Variants in KAT2B observed in about 807,000 individuals in gnomAD.
KAT2B encodes the protein histone acetyltransferase KAT2B.
A neutral mutation model predicts 105.9 loss-of-function variants in KAT2B; 36 were observed. The observed-to-expected ratio is 0.34, with a 90% CI of 0.26 to 0.45. The LOEUF is 0.45. KAT2B is among the 20% of genes least tolerant of loss of function. The probability of loss-of-function intolerance (pLI) is 1.00; values close to 1 mark genes in which losing one functional copy is unlikely to be tolerated. For synonymous variants in KAT2B, 397 were observed against 377.9 expected, an observed-to-expected ratio of 1.05 and a Z score of -0.59; for missense variants, 820 against 1,021.6, an observed-to-expected ratio of 0.80 and a Z score of 2.69.
intron 1 of KAT2B, among the ~76,000 whole-genome samples, chr3:20,044,583 C>T (rs1239520335): frequency 6.8e-6 from 1 of 146,664 alleles, no homozygotes; most frequent in Non-Finnish European, 1.5e-5. Flanking sequence ...TTCCTTTCAC[C>T]TAGTCGGGGG....
chr3:20,114,896 TAGA>T lies in KAT2B; in HGVS notation c.1067_1069del (p.Glu356del). 6.2e-7 allele frequency: 1 copy of T among 1,601,560 alleles called. No homozygotes were observed. The highest frequency in any genetic ancestry group is 8.6e-7 in the Non-Finnish European group (1 of 1,169,036). ...CTTGTGTCTAGATTTCTGTCCATGC[TAGA>T]AGAAGAAGTATATAGTCAAAACTCT... On this transcript the variant is annotated inframe_deletion, in exon 7 of 18. Transcript: ENST00000263754.
At chr3:20,143,981 ATCACACAGTATACCCAT>A in intron 13 of KAT2B, among the ~76,000 whole-genome samples, 1 of 152,282 alleles carries the variant, frequency 6.6e-6, no homozygotes, top group Middle Eastern at 3.4e-3. Context: ...AAACCTCAGC[ATCACACAGTATACCCAT>A]AATACCCCCT....
chr3:20,144,810 TTTTA>T (rs1699757636), intron 13 of KAT2B, among the ~76,000 whole-genome samples: 1 of 151,650 alleles, frequency 6.6e-6, no homozygotes, highest in African/African-American at 2.4e-5. Flanking sequence ...CTTTTTTTTT[TTTTA>T]AGAGGAAGTC....
At chr3:20,112,826 A>T (rs892225975) in intron 6 of KAT2B, among the ~76,000 whole-genome samples, 1 of 152,208 alleles carries the variant, frequency 6.6e-6, no homozygotes, top group Non-Finnish European at 1.5e-5. Flanking sequence ...GTGTTATTAG[A>T]TTATGGAATT....
intron 6 of KAT2B, among the ~76,000 whole-genome samples, chr3:20,113,041 T>A (rs1213167382): frequency 1.3e-5 from 2 of 152,208 alleles, no homozygotes; most frequent in African/African-American, 2.4e-5. Flanking sequence ...ACAACCTGAT[T>A]GTCAAATTTT....
At chr3:20,129,991 T>C (rs1381681202) in intron 11 of KAT2B, among the ~76,000 whole-genome samples, 1 of 151,972 alleles carries the variant, frequency 6.6e-6, no homozygotes, top group Admixed American at 6.6e-5. Flanking sequence ...ATTATTATTA[T>C]TATTTTGAGA....
At chr3:20,152,186 G>C (rs1699879679) in intron 17 of KAT2B, 146 bp from the exon 18 acceptor site, 2 of 548,152 alleles carry the variant, frequency 3.6e-6, no homozygotes, top group Non-Finnish European at 6.4e-6. Flanking sequence ...TGTTTTCCTT[G>C]GTCATAAGAA....
intron 11 of KAT2B, among the ~76,000 whole-genome samples, chr3:20,133,947 A>G (rs1017081598): frequency 2.6e-5 from 4 of 151,724 alleles, no homozygotes; most frequent in African/African-American, 4.8e-5. Flanking sequence ...CTTTTATTCT[A>G]TCTCTTTTTT....
intron 1 of KAT2B, 79 bp downstream of exon 1, chr3:20,040,859 A>ACCGCCG (rs1697703934): frequency 1.1e-5 from 16 of 1,397,746 alleles, no homozygotes; most frequent in South Asian, 4.3e-5. Flanking sequence ...TCCCGCTTCC[A>ACCGCCG]CCTCCGCCTC....
At chr3:20,083,817 G>C (rs894590572) in intron 2 of KAT2B, among the ~76,000 whole-genome samples, 4 of 152,192 alleles carry the variant, frequency 2.6e-5, no homozygotes, top group Non-Finnish European at 5.9e-5. Flanking sequence ...TGATGGGCTT[G>C]TTGGCAGAAA....
intron 2 of KAT2B, among the ~76,000 whole-genome samples, chr3:20,086,112 A>G (rs1469474889): frequency 6.6e-6 from 1 of 152,006 alleles, no homozygotes; most frequent in Non-Finnish European, 1.5e-5. Flanking sequence ...CTCTACATAA[A>G]AATACAAAAA....
At chr3:20,147,871 C>T in intron 14 of KAT2B, 92 bp from the exon 15 acceptor site, 1 of 1,159,394 alleles carries the variant, frequency 8.6e-7, no homozygotes, top group Non-Finnish European at 1.2e-6. Context: ...TATTGTCATG[C>T]CTATAATTTC....
chr3:20,093,274 T>C (rs536352836), intron 2 of KAT2B, among the ~76,000 whole-genome samples: 3 of 152,324 alleles, frequency 2.0e-5, no homozygotes, highest in African/African-American at 7.2e-5. Flanking sequence ...TGTGGGCAAT[T>C]GGTACTCAAT....
chr3:20,072,695 G>C (rs1362152019), intron 2 of KAT2B, among the ~76,000 whole-genome samples: 2 of 152,162 alleles, frequency 1.3e-5, no homozygotes, highest in Non-Finnish European at 2.9e-5. Flanking sequence ...AGTTGGACTG[G>C]GGGATTGCCA....
At chr3:20,122,946 G>A (rs776479046) in intron 9 of KAT2B, 142 bp downstream of exon 9, 3 of 1,361,086 alleles carry the variant, frequency 2.2e-6, no homozygotes, top group Non-Finnish European at 2.8e-6. Context: ...TGGTCAGTGT[G>A]GAGAGGGCAG....
chr3:20,113,864 A>G (rs536407671), intron 6 of KAT2B, among the ~76,000 whole-genome samples: 13 of 152,124 alleles, frequency 8.5e-5, no homozygotes, highest in Admixed American at 5.2e-4. Context: ...ACCTATTTAC[A>G]AAGTGTTTTT....
chr3:20,134,870 T>A (rs1037882025), intron 11 of KAT2B, among the ~76,000 whole-genome samples: 4 of 152,236 alleles, frequency 2.6e-5, no homozygotes, highest in Non-Finnish European at 5.9e-5. Context: ...AAATTAATTT[T>A]GACTTTTTTT....
intron 13 of KAT2B, among the ~76,000 whole-genome samples, chr3:20,144,536 A>G (rs1210971574): frequency 3.3e-5 from 5 of 149,268 alleles, no homozygotes; most frequent in East Asian, 2.0e-4. Context: ...TGATCTGCCC[A>G]CCTCGGCCTC....
chr3:20,047,316 C>G (rs533380706), intron 1 of KAT2B, among the ~76,000 whole-genome samples: 1 of 152,268 alleles, frequency 6.6e-6, no homozygotes, highest in African/African-American at 2.4e-5. Context: ...AAGCAATTGG[C>G]CTGCCTTGGC....
Sources: allele counts gnomAD v4.1 joint callset (sites outside exome capture counted in the v4.1 genomes callset), GRCh38; gene constraint gnomAD v4.1.1; transcripts MANE v1.5; gene names NCBI Gene and HGNC (gene_info 2026-07-23, HGNC 2026-07-21).